Variants in RABGAP1 observed in about 807,000 individuals in gnomAD.
RABGAP1 encodes the protein RAB GTPase activating protein 1.
RABGAP1 carries 23 observed loss-of-function variants against 137.6 expected under a neutral mutation model. That is an observed-to-expected ratio of 0.17 (90% CI 0.12 to 0.24). RABGAP1 has a LOEUF of 0.24. Ranked by LOEUF, RABGAP1 falls within the 10% of genes least tolerant of loss-of-function variation. The probability of loss-of-function intolerance (pLI) is 1.00; values close to 1 mark genes in which losing one functional copy is unlikely to be tolerated. For missense variants in RABGAP1, 906 were observed against 1,275.8 expected, an observed-to-expected ratio of 0.71 and a Z score of 4.42; for synonymous variants, 451 against 450.7, an observed-to-expected ratio of 1.00 and a Z score of -0.01.
chr9:122,938,531 C>T (rs1296719903), upstream of RABGAP1: 1 of 152,084 alleles, frequency 6.6e-6, no homozygotes, highest in Non-Finnish European at 1.5e-5. Context: ...CAATATATAG[C>T]ATTGGTAGGC....
chr9:122,956,433 G>A (rs148446506), intron 1 of RABGAP1, among the ~76,000 whole-genome samples: 1 of 152,108 alleles, frequency 6.6e-6, no homozygotes, highest in African/African-American at 2.4e-5. Flanking sequence ...GGCGGATCAC[G>A]AGGTCAGGAG....
intron 19 of RABGAP1, among the ~76,000 whole-genome samples, chr9:123,081,434 T>C (rs1428286915): frequency 2.0e-5 from 3 of 152,142 alleles, no homozygotes; most frequent in Non-Finnish European, 4.4e-5. Context: ...TTTGTTGTCA[T>C]TGTTGTGATA....
At chr9:123,036,121 C>T (rs1254225904) in intron 13 of RABGAP1, among the ~76,000 whole-genome samples, 3 of 152,188 alleles carry the variant, frequency 2.0e-5, no homozygotes, top group Non-Finnish European at 4.4e-5. Flanking sequence ...AGCATAACTA[C>T]ACTGCAAGTT....
In RABGAP1 at chr9:123,071,202, A is replaced by T. The variant is rs139423763; in HGVS notation, c.1983+778A>T. ...ACAATACACATTCAATTTTCTCCCA[A>T]TTGTCTACTCCATAGAATCTAGCTT... On this transcript the variant is annotated intron_variant, in intron 15 of 25. Transcript: ENST00000373647. Among the ~76,000 whole-genome samples the T allele has an allele frequency of 3.3e-5, 5 of 152,308 alleles. No homozygotes were observed. In the East Asian group the frequency reaches 9.6e-4, roughly 29 times the overall value.
chr9:123,047,924 T>G (rs1250885452), intron 13 of RABGAP1, among the ~76,000 whole-genome samples: 2 of 54,930 alleles, frequency 3.6e-5, no homozygotes, highest in Non-Finnish European at 5.2e-5. Context: ...GCTGGGTTTT[T>G]TTTTTTTTTT....
intron 13 of RABGAP1, among the ~76,000 whole-genome samples, 186 bp from the exon 14 acceptor site, chr9:123,065,162 T>TC (rs2034127744): frequency 6.6e-6 from 1 of 152,104 alleles, no homozygotes. Flanking sequence ...CCATCTTTTT[T>TC]CCCCCTTTAC....
At chr9:123,005,878 A>G (rs2030213269) in intron 10 of RABGAP1, among the ~76,000 whole-genome samples, 1 of 152,192 alleles carries the variant, frequency 6.6e-6, no homozygotes, top group African/African-American at 2.4e-5. Flanking sequence ...AGGGTATGAG[A>G]ATACCTGTTT....
chr9:122,977,433 C>G (rs906880923), intron 2 of RABGAP1, among the ~76,000 whole-genome samples: 1 of 152,134 alleles, frequency 6.6e-6, no homozygotes, highest in African/African-American at 2.4e-5. Flanking sequence ...GGGCTGGGTT[C>G]GGTGGCTCAT....
intron 10 of RABGAP1, among the ~76,000 whole-genome samples, chr9:123,007,314 A>G (rs1439556747): frequency 6.7e-6 from 1 of 149,498 alleles, no homozygotes; most frequent in Non-Finnish European, 1.5e-5. Flanking sequence ...GCCTCAAGTA[A>G]TCTACTTGCC....
chr9:123,014,219 C>T (rs1001431008), intron 11 of RABGAP1, among the ~76,000 whole-genome samples: 2 of 152,100 alleles, frequency 1.3e-5, no homozygotes, highest in African/African-American at 4.8e-5. Flanking sequence ...TTTTTAGTTC[C>T]TCTCATGCCT....
intron 19 of RABGAP1, among the ~76,000 whole-genome samples, chr9:123,087,214 T>C: frequency 6.6e-6 from 1 of 152,236 alleles, no homozygotes; most frequent in Non-Finnish European, 1.5e-5. Flanking sequence ...AAGACATTGT[T>C]TTGTAATTAG....
At chr9:123,053,691 C>T (rs2033582076) in intron 13 of RABGAP1, among the ~76,000 whole-genome samples, 1 of 152,112 alleles carries the variant, frequency 6.6e-6, no homozygotes. Context: ...TACATGATGG[C>T]ATTTAATAAA....
intron 4 of RABGAP1, 49 bp downstream of exon 4, chr9:122,986,468 C>G: frequency 1.3e-6 from 2 of 1,553,496 alleles, no homozygotes; most frequent in Non-Finnish European, 1.8e-6. Flanking sequence ...AGATCTCTGA[C>G]CTGTTGCTTC....
chr9:122,957,613 T>A (rs1271332208), intron 2 of RABGAP1, among the ~76,000 whole-genome samples: 1 of 148,698 alleles, frequency 6.7e-6, no homozygotes, highest in Non-Finnish European at 1.5e-5. Flanking sequence ...ACCTGGCCAT[T>A]TTTTTTTTTA....
chr9:122,942,802 A>G (rs568047035), intron 1 of RABGAP1, among the ~76,000 whole-genome samples: 10 of 152,256 alleles, frequency 6.6e-5, no homozygotes, highest in Middle Eastern at 3.4e-3. Context: ...GTAACATTTA[A>G]AATTCATATG....
intron 2 of RABGAP1, among the ~76,000 whole-genome samples, chr9:122,968,168 T>C (rs1391594157): frequency 2.6e-5 from 4 of 151,822 alleles, no homozygotes; most frequent in Admixed American, 1.3e-4. Flanking sequence ...GTAAATAGGG[T>C]ATCCATTACC....
At chr9:122,935,890 G>A (rs965036789), upstream of RABGAP1, among the ~76,000 whole-genome samples, 12 of 152,088 alleles carry the variant, frequency 7.9e-5, no homozygotes, top group Admixed American at 7.9e-4. Flanking sequence ...CTTTATCAGG[G>A]AATGTCTTAA....
At chr9:123,015,475 C>A in intron 11 of RABGAP1, 68 bp from the exon 12 acceptor site, 2 of 977,504 alleles carry the variant, frequency 2.0e-6, no homozygotes, top group Non-Finnish European at 3.1e-6. Context: ...TGACTCTTAA[C>A]ATTCCAGTGT....
chr9:123,052,311 A>T (rs570901746), intron 13 of RABGAP1, among the ~76,000 whole-genome samples: 1 of 152,194 alleles, frequency 6.6e-6, no homozygotes, highest in Non-Finnish European at 1.5e-5. Context: ...GAGATAATAG[A>T]ACCCACCTCA....
Sources: allele counts gnomAD v4.1 joint callset (sites outside exome capture counted in the v4.1 genomes callset), GRCh38; gene constraint gnomAD v4.1.1; transcripts MANE v1.5; gene names NCBI Gene and HGNC (gene_info 2026-07-23, HGNC 2026-07-21).